Variants in AGBL1 observed in about 807,000 individuals in gnomAD.
AGBL1 encodes cytosolic carboxypeptidase 4.
Under a neutral mutation model 118.9 loss-of-function variants are expected in AGBL1, and 130 were observed. That is an observed-to-expected ratio of 1.09 (90% CI 0.95 to 1.26). AGBL1 has a LOEUF of 1.26. Among genes scored for constraint, AGBL1 ranks in the 50% most tolerant of loss-of-function variants. AGBL1 has a pLI of 0.00. For synonymous variants in AGBL1, 555 were observed against 478.9 expected (o/e 1.16, Z -2.08); for missense variants, 1,584 against 1,298.1 (o/e 1.22, Z -3.38).
chr15:86,669,307 C>A (rs921765318), intron 21 of AGBL1, among the ~76,000 whole-genome samples: 1 of 151,500 alleles, frequency 6.6e-6, no homozygotes, highest in Non-Finnish European at 1.5e-5. Context: ...CAAGTAGATT[C>A]AATCTAGTTG....
intron 22 of AGBL1, among the ~76,000 whole-genome samples, chr15:86,869,913 C>A (rs1444858465): frequency 1.3e-5 from 2 of 152,174 alleles, no homozygotes; most frequent in African/African-American, 4.8e-5. Flanking sequence ...TGTTACTTGA[C>A]AGTACCTGGT....
intron 22 of AGBL1, among the ~76,000 whole-genome samples, chr15:86,708,537 A>G (rs1285719021): frequency 6.6e-6 from 1 of 152,178 alleles, no homozygotes; most frequent in Non-Finnish European, 1.5e-5. Flanking sequence ...TTGTTACCGC[A>G]GCCTGAGCAG....
At chr15:86,535,933 T>A (rs2083420171) in intron 19 of AGBL1, among the ~76,000 whole-genome samples, 1 of 152,214 alleles carries the variant, frequency 6.6e-6, no homozygotes, top group Non-Finnish European at 1.5e-5. Flanking sequence ...TAACTCGTGT[T>A]AAGGTACCAC....
At chr15:86,490,015 C>T (rs2142139962) in intron 18 of AGBL1, among the ~76,000 whole-genome samples, 1 of 152,208 alleles carries the variant, frequency 6.6e-6, no homozygotes, top group Admixed American at 6.6e-5. Flanking sequence ...TAAAGGCATA[C>T]TGGAGTACCC....
intron 17 of AGBL1, among the ~76,000 whole-genome samples, chr15:86,300,849 T>C (rs1413574027): frequency 6.6e-6 from 1 of 152,206 alleles, no homozygotes; most frequent in Non-Finnish European, 1.5e-5. Context: ...AAGCTTTTCC[T>C]TGGAAGACAA....
At position 86,357,691 on chromosome 15, in the gene AGBL1, T is replaced by A. The variant is rs190933702; in HGVS notation, c.2375-39675T>A. 7.2e-5 allele frequency among the ~76,000 whole-genome samples: 11 copies of A among 152,314 alleles called. No individual in the cohort carries two copies. In the East Asian group the frequency reaches 2.1e-3, roughly 29 times the overall value. ...ATCTTCTCCAGGGCACTTTCTTTGC[T>A]TTAACATAGCGTGCTTCTTTACTAA... is the stretch of plus-strand genomic sequence containing the variant. On this transcript the variant is annotated intron_variant, in intron 17 of 22. Coordinates refer to ENST00000614907, the MANE Select transcript of AGBL1 (RefSeq NM_001386094.1).
chr15:86,391,194 T>C (rs1022344999), intron 17 of AGBL1, among the ~76,000 whole-genome samples: 3 of 152,110 alleles, frequency 2.0e-5, no homozygotes, highest in Non-Finnish European at 4.4e-5. Flanking sequence ...AACATAAAAT[T>C]GGTAAAATTT....
chr15:86,243,890 T>G (rs1317473994), intron 6 of AGBL1, among the ~76,000 whole-genome samples: 1 of 151,862 alleles, frequency 6.6e-6, no homozygotes, highest in East Asian at 1.9e-4. Flanking sequence ...TGTAGTGGCG[T>G]GCACCTGGAA....
At chr15:86,315,591 GC>G (rs1299566897) in intron 17 of AGBL1, among the ~76,000 whole-genome samples, 3 of 151,654 alleles carry the variant, frequency 2.0e-5, no homozygotes, top group Non-Finnish European at 4.4e-5. Context: ...GGTGGTGCGC[GC>G]CTGTAGTCCC....
intron 21 of AGBL1, among the ~76,000 whole-genome samples, chr15:86,596,898 C>A (rs958680565): frequency 5.6e-4 from 86 of 152,220 alleles, no homozygotes; most frequent in African/African-American, 2.0e-3. Flanking sequence ...TGCCTGTACT[C>A]CTATTAACAT....
chr15:86,333,774 A>G (rs1019386819), intron 17 of AGBL1, among the ~76,000 whole-genome samples: 1 of 152,220 alleles, frequency 6.6e-6, no homozygotes, highest in Non-Finnish European at 1.5e-5. Context: ...ACATAGACAC[A>G]AAAATTCTCA....
At chr15:86,868,342 A>G (rs2079665668) in intron 22 of AGBL1, among the ~76,000 whole-genome samples, 1 of 152,242 alleles carries the variant, frequency 6.6e-6, no homozygotes, top group Admixed American at 6.5e-5. Context: ...TAGCTAACCA[A>G]GCCACACAAG....
intron 22 of AGBL1, among the ~76,000 whole-genome samples, chr15:86,700,359 A>G (rs1185582562): frequency 6.6e-6 from 1 of 151,854 alleles, no homozygotes; most frequent in East Asian, 1.9e-4. Flanking sequence ...ACATTCCCCA[A>G]TTCATCTCTA....
chr15:86,644,851 C>CAAAAAAAAAA (rs11434077), intron 21 of AGBL1, among the ~76,000 whole-genome samples: 375 of 97,492 alleles, frequency 3.8e-3, no homozygotes, highest in Middle Eastern at 6.2e-3. Context: ...ACTAAAAATA[C>CAAAAAAAAAA]AAAAAAAAAA....
intron 17 of AGBL1, among the ~76,000 whole-genome samples, chr15:86,330,327 C>A (rs1011211957): frequency 6.6e-6 from 1 of 152,138 alleles, no homozygotes; most frequent in African/African-American, 2.4e-5. Context: ...ATAAAACCTG[C>A]CGACAGATGT....
At chr15:86,945,951 C>T (rs1401322671) in intron 23 of AGBL1, among the ~76,000 whole-genome samples, 1 of 152,242 alleles carries the variant, frequency 6.6e-6, no homozygotes, top group Middle Eastern at 3.4e-3. Context: ...CCTTCATGTG[C>T]GTTATCTGAT....
chr15:86,128,544 C>T (rs1304350711), intron 1 of AGBL1, among the ~76,000 whole-genome samples: 4 of 152,326 alleles, frequency 2.6e-5, no homozygotes, highest in Non-Finnish European at 4.4e-5. Context: ...GATCACCAGG[C>T]GCAGAGAATC....
chr15:86,848,268 A>G (rs1023871647), intron 22 of AGBL1, among the ~76,000 whole-genome samples: 1 of 152,180 alleles, frequency 6.6e-6, no homozygotes, highest in African/African-American at 2.4e-5. Context: ...CCAAAGCCTG[A>G]AAATGGTTTT....
chr15:86,444,765 C>A (rs1042029146), intron 18 of AGBL1, among the ~76,000 whole-genome samples: 2 of 152,032 alleles, frequency 1.3e-5, no homozygotes, highest in African/African-American at 4.8e-5. Flanking sequence ...GTCAAAAGAC[C>A]GGCACAAGAC....
Sources: gnomAD v4.1 joint callset for allele counts (sites outside exome capture counted in the v4.1 genomes callset) on GRCh38, gnomAD v4.1.1 for gene constraint, MANE v1.5 for transcripts, NCBI Gene and HGNC (gene_info 2026-07-23, HGNC 2026-07-21) for gene names.